The following SYNJ1 variants were observed in gnomAD, a reference collection of about 807,000 sequenced individuals.
SYNJ1 encodes polyphosphatidylinositol phosphatase SYNJ1.
In SYNJ1, 78 loss-of-function variants were observed where a neutral mutation model predicts 168.2. That is an observed-to-expected ratio of 0.46 (90% CI 0.39 to 0.56). The LOEUF (loss-of-function observed/expected upper bound fraction) is 0.56, where lower values mean the gene tolerates loss of function less well. Among genes scored for constraint, SYNJ1 ranks in the 20% least tolerant of loss-of-function variants. The probability of loss-of-function intolerance (pLI) is 0.00; values close to 1 mark genes in which losing one functional copy is unlikely to be tolerated. For synonymous variants in SYNJ1, 539 were observed against 548.6 expected, an observed-to-expected ratio of 0.98 and a Z score of 0.24; for missense variants, 1,303 against 1,597.6, an observed-to-expected ratio of 0.82 and a Z score of 3.14.
Position 32,629,843 on chromosome 21 carries a change from C to G in SYNJ1, c.*1962G>C, listed in dbSNP as rs971505293. 2 of 152,524 alleles carry G rather than the reference C, an allele frequency of 1.3e-5. No homozygotes were observed. The highest frequency in any genetic ancestry group is 4.8e-5 in the African/African-American group (2 of 41,424). 9.4% of individuals were successfully genotyped at this position (152,524 alleles called of 1,614,324 possible). On this transcript the variant is annotated 3_prime_UTR_variant, in exon 33 of 33. Transcript: ENST00000674351. ...ATATTGGCAGTGCAGGAGACAAAAT[C>G]CGCAGCTACTTTGAGGTATAGCCTC... is the stretch of plus-strand genomic sequence containing the variant.
At position 32,630,863 on chromosome 21, in the gene SYNJ1, T is replaced by A; in HGVS notation, c.*942A>T. The A allele has an allele frequency of 1.1e-6, 1 of 874,570 alleles. No individual in the cohort carries two copies. 54.2% of individuals were successfully genotyped at this position (874,570 alleles called of 1,614,324 possible). ...TACACATAGTCCAACTCTGTACACA[T>A]CAAATAGTGGTGTTTTGTGAAGATA... On this transcript the variant is annotated 3_prime_UTR_variant, in exon 33 of 33. Transcript: ENST00000674351.
chr21:32,700,016 T>A lies in SYNJ1; in HGVS notation c.301A>T (p.Thr101Ser), dbSNP rs750481793. 1 of 1,614,092 alleles carries A rather than the reference T, an allele frequency of 6.2e-7. No individual in the cohort carries two copies. Among genetic ancestry groups the A allele is most frequent in the African/African-American group, 1.3e-5 (1 of 74,932 alleles). Reference sequence around the variant, plus strand: ...TCGATTCGCAGTGATATAAACTCAGTGGAAGTAACTCGGAAAACTTCAGAT... The same window carrying A: ...TCGATTCGCAGTGATATAAACTCAGAGGAAGTAACTCGGAAAACTTCAGAT... ...QESEVFRVTS[T>S]EFISLRIDSS... Residue 101 changes from threonine (T) to serine (S), a missense_variant, in exon 4 of 33, where the codon ACT (threonine) becomes TCT (serine). By Grantham distance (58) the Thr-to-Ser change is moderately conservative. Coordinates refer to ENST00000674351, the MANE Select transcript of SYNJ1 (RefSeq NM_203446.3).
At chr21:32,640,556 A>G (rs977307370) in intron 29 of SYNJ1, among the ~76,000 whole-genome samples, 3 of 152,130 alleles carry the variant, frequency 2.0e-5, no homozygotes, top group African/African-American at 7.2e-5. Context: ...CGGCCTCCCA[A>G]AGTGCTGGGA....
Position 32,685,834 on chromosome 21 carries a change from T to C in SYNJ1, c.1032A>G (p.Ala344=). 6.2e-7 allele frequency: 1 copy of C among 1,613,362 alleles called. No homozygotes were observed. Among genetic ancestry groups the C allele is most frequent in the Admixed American group, 1.7e-5 (1 of 59,960 alleles). Residue 344 remains alanine, a synonymous_variant, in exon 9 of 33, where the codon GCA becomes GCG. Coordinates refer to ENST00000674351, the MANE Select transcript of SYNJ1 (RefSeq NM_203446.3). ...DYHQMVKGGK[A]EKLHSVLKPQ... is the part of the protein sequence containing the mutation. Reference sequence around the variant, plus strand: ...GTTTAAGAACACTATGTAATTTTTCTGCCTTTCCTCCCTTAACCATTTGAT... The same window carrying C: ...GTTTAAGAACACTATGTAATTTTTCCGCCTTTCCTCCCTTAACCATTTGAT...
At chr21:32,662,879 A>G (rs184280409) in intron 18 of SYNJ1, among the ~76,000 whole-genome samples, 301 of 152,232 alleles carry the variant, frequency 2.0e-3, no homozygotes, top group Non-Finnish European at 3.6e-3. Flanking sequence ...AATCCCCTTG[A>G]TCCTCGCTGG....
chr21:32,697,076 T>G (rs1296269616), intron 4 of SYNJ1, among the ~76,000 whole-genome samples: 1 of 152,184 alleles, frequency 6.6e-6, no homozygotes, highest in Non-Finnish European at 1.5e-5. Flanking sequence ...TCCTATGCAT[T>G]TTGTGCAGGC....
chr21:32,719,023 G>C (rs947994381), intron 2 of SYNJ1, among the ~76,000 whole-genome samples: 9 of 152,124 alleles, frequency 5.9e-5, no homozygotes, highest in Admixed American at 2.6e-4. Flanking sequence ...TTAAATGGTA[G>C]GACTATGTCA....
intron 18 of SYNJ1, among the ~76,000 whole-genome samples, chr21:32,663,934 A>G (rs945466300): frequency 6.6e-6 from 1 of 152,238 alleles, no homozygotes; most frequent in African/African-American, 2.4e-5. Context: ...ATTGCTGTCT[A>G]TACACAGATG....
chr21:32,686,958 T>A lies in SYNJ1; in HGVS notation c.948+20A>T. ...TAGGTGTCCATGGGCCAGAATGAAA[T>A]AAGAAATGACCATACTTACCTGGAA... is the stretch of plus-strand genomic sequence containing the variant. On this transcript the variant is annotated intron_variant, in intron 8 of 32. Coordinates refer to ENST00000674351, the MANE Select transcript of SYNJ1 (RefSeq NM_203446.3). The A allele has an allele frequency of 6.8e-7, 1 of 1,469,222 alleles. No individual in the cohort carries two copies. Among genetic ancestry groups the A allele is most frequent in the African/African-American group, 1.5e-5 (1 of 68,338 alleles). The allele number at this position is 1,469,222 out of a possible 1,614,324, so 91.0% of individuals were successfully genotyped here.
intron 18 of SYNJ1, among the ~76,000 whole-genome samples, chr21:32,661,970 C>T (rs1466297307): frequency 3.3e-5 from 5 of 152,154 alleles, no homozygotes; most frequent in Admixed American, 6.5e-5. Context: ...TCCAAGTGAT[C>T]GCATGTGGAT....
Position 32,670,362 on chromosome 21 carries a change from ACTT to A in SYNJ1, c.1734_1736del (p.Arg578del), listed in dbSNP as rs753146291. 6.2e-7 allele frequency: 1 copy of A among 1,612,652 alleles called. No individual in the cohort carries two copies. The highest frequency in any genetic ancestry group is 8.5e-7 in the Non-Finnish European group (1 of 1,179,256). On this transcript the variant is annotated inframe_deletion, in exon 15 of 33. Transcript: ENST00000674351. The stretch of plus-strand genomic sequence containing the variant: ...CAATTGCAAATATATCAGTTGGCTT[ACTT>A]CTTTTATCTAAAATTAAGCATCCAA...
chr21:32,696,603 C>A (rs2042221579), intron 4 of SYNJ1, among the ~76,000 whole-genome samples: 1 of 152,146 alleles, frequency 6.6e-6, no homozygotes, highest in South Asian at 2.1e-4. Flanking sequence ...AAGCTTGACT[C>A]TTTAGGTTTT....
At chr21:32,642,808 T>C (rs1276817386) in intron 27 of SYNJ1, among the ~76,000 whole-genome samples, 1 of 152,212 alleles carries the variant, frequency 6.6e-6, no homozygotes, top group East Asian at 1.9e-4. Flanking sequence ...TAGGAGTGAC[T>C]ATCAAGGGCA....
At chr21:32,649,939 A>G (rs2040213702) in intron 23 of SYNJ1, among the ~76,000 whole-genome samples, 1 of 152,066 alleles carries the variant, frequency 6.6e-6, no homozygotes, top group Admixed American at 6.6e-5. Context: ...TAGTAGAGAC[A>G]GGGTTTCGCC....
intron 24 of SYNJ1, chr21:32,646,027 T>C: frequency 1.3e-6 from 1 of 778,084 alleles, no homozygotes; most frequent in South Asian, 1.4e-5. Flanking sequence ...TGCTGAAAGC[T>C]AATTTACTAA....
In SYNJ1 at chr21:32,695,391, A is replaced by T. The variant is rs76969507; in HGVS notation, c.480-109T>A. 8.5e-5 allele frequency: 89 copies of T among 1,041,776 alleles called. No homozygotes were observed. In the East Asian group the frequency reaches 2.2e-3, roughly 26 times the overall value. The allele number at this position is 1,041,776 out of a possible 1,614,324, so 64.5% of individuals were successfully genotyped here. On this transcript the variant is annotated intron_variant, in intron 4 of 32. Transcript: ENST00000674351. Reference sequence around the variant, plus strand: ...ATTTAATATTATTAAATTTAAAGGCACAAACAACAAATCAATTCATTTACA... The same window carrying T: ...ATTTAATATTATTAAATTTAAAGGCTCAAACAACAAATCAATTCATTTACA...
chr21:32,702,194 T>C (rs2042429455), intron 2 of SYNJ1, 147 bp from the exon 3 acceptor site: 1 of 531,048 alleles, frequency 1.9e-6, no homozygotes, highest in Non-Finnish European at 3.3e-6. Flanking sequence ...ACTAGTAACA[T>C]TAGTATTCTT....
chr21:32,633,954 T>A (rs1235343849), intron 32 of SYNJ1, among the ~76,000 whole-genome samples: 2 of 152,188 alleles, frequency 1.3e-5, no homozygotes, highest in African/African-American at 4.8e-5. Flanking sequence ...AAAGGAAATT[T>A]ATATAGATAT....
chr21:32,726,833 T>G lies in SYNJ1; in HGVS notation c.63A>C (p.Ile21=), dbSNP rs759604797. The G allele has an allele frequency of 5.6e-6, 9 of 1,614,190 alleles. No homozygotes were observed. The South Asian group carries it at 8.8e-5, about 16-fold the overall frequency. ...HKLDPPPFSL[I]VETRHKEECL... is the part of the protein sequence containing the mutation. ...ATTCTTCCTTATGCCTAGTTTCCAC[T>G]ATGAGGCTGAAAGGTGGGGGATCCA... The change falls in exon 2 of 33, where the codon ATA becomes ATC. Residue 21 remains isoleucine (I), a synonymous_variant. Transcript: ENST00000674351.
Sources: allele counts gnomAD v4.1 joint callset (sites outside exome capture counted in the v4.1 genomes callset), GRCh38; gene constraint gnomAD v4.1.1; transcripts MANE v1.5; gene names NCBI Gene and HGNC (gene_info 2026-07-23, HGNC 2026-07-21).